SAMD8: variants seen among roughly 807,000 people sequenced by gnomAD.
SAMD8 encodes sphingomyelin synthase-related protein 1.
A neutral mutation model predicts 42.0 loss-of-function variants in SAMD8; 20 were observed. That is an observed-to-expected ratio of 0.48 (90% CI 0.34 to 0.69). SAMD8 has a LOEUF of 0.69. Ranked by LOEUF, SAMD8 falls within the 30% of genes least tolerant of loss-of-function variation. The pLI, the probability that SAMD8 is intolerant of heterozygous loss-of-function variation, is 0.01. For synonymous variants in SAMD8, 162 were observed against 173.0 expected, an observed-to-expected ratio of 0.94 and a Z score of 0.50; for missense variants, 328 against 511.6, an observed-to-expected ratio of 0.64 and a Z score of 3.46.
At chr10:75,101,582 C>G (rs1204254407) in intron 1 of SAMD8, among the ~76,000 whole-genome samples, 1 of 152,156 alleles carries the variant, frequency 6.6e-6, no homozygotes, top group East Asian at 1.9e-4. Flanking sequence ...CTTTATGGAG[C>G]AGGTAATATT....
chr10:75,147,716 A>G (rs74380454), intron 1 of SAMD8, among the ~76,000 whole-genome samples: 1 of 152,224 alleles, frequency 6.6e-6, no homozygotes, highest in Non-Finnish European at 1.5e-5. Context: ...ATATCCAAGG[A>G]TGAAGTAATT....
intron 1 of SAMD8, among the ~76,000 whole-genome samples, chr10:75,101,476 T>C (rs1355548785): frequency 2.6e-5 from 4 of 152,216 alleles, no homozygotes; most frequent in Non-Finnish European, 5.9e-5. Context: ...TCTTTCTCTG[T>C]CCAGCAATAA....
chr10:75,144,953 G>C lies in SAMD8; in HGVS notation c.-15-5561G>C, dbSNP rs903017384. Among the ~76,000 whole-genome samples, 5 of 152,268 alleles carry C rather than the reference G, an allele frequency of 3.3e-5. No homozygotes were observed. The East Asian group carries it at 5.8e-4, about 18-fold the overall frequency. On this transcript the variant is annotated intron_variant, in intron 1 of 5. Coordinates refer to ENST00000542569, the MANE Select transcript of SAMD8 (RefSeq NM_001174156.2). ...GGATTGCAACCAGCGCCCTTGAATT[G>C]TTTCTATTGTTACTTAGTTACATTT... is the stretch of plus-strand genomic sequence containing the variant.
intron 1 of SAMD8, among the ~76,000 whole-genome samples, chr10:75,120,535 C>T (rs1294715726): frequency 1.3e-5 from 2 of 152,214 alleles, no homozygotes; most frequent in East Asian, 3.9e-4. Flanking sequence ...TCCCAAAGTG[C>T]TGGGATTACA....
chr10:75,160,171 A>G (rs1840523129), intron 2 of SAMD8, among the ~76,000 whole-genome samples: 1 of 152,186 alleles, frequency 6.6e-6, no homozygotes. Context: ...CAGTGTTCAT[A>G]GTGATGACTC....
chr10:75,122,195 G>A (rs1174581621), intron 1 of SAMD8, among the ~76,000 whole-genome samples: 1 of 151,736 alleles, frequency 6.6e-6, no homozygotes, highest in Non-Finnish European at 1.5e-5. Flanking sequence ...ACAGTGAAAG[G>A]GCCCATTCAA....
chr10:75,176,794 G>A lies in SAMD8; in HGVS notation c.*102G>A. 1.2e-6 allele frequency: 1 copy of A among 855,828 alleles called. No individual in the cohort carries two copies. The highest frequency in any genetic ancestry group is 1.9e-5 in the South Asian group (1 of 51,304). The allele number at this position is 855,828 out of a possible 1,614,324, so 53.0% of individuals were successfully genotyped here. ...GGTTGTTCTTAGATGCCTGGCTTAT[G>A]TGTTGACAAAGTAAAGTTTTCTGTT... is the stretch of plus-strand genomic sequence containing the variant. On this transcript the variant is annotated 3_prime_UTR_variant, in exon 6 of 6. Transcript: ENST00000542569. The surrounding 1 kb of genome is among the most constrained non-coding windows in gnomAD (Gnocchi z 4.3).
At chr10:75,115,698 T>G (rs1848862989) in intron 1 of SAMD8, among the ~76,000 whole-genome samples, 1 of 152,100 alleles carries the variant, frequency 6.6e-6, no homozygotes, top group Non-Finnish European at 1.5e-5. Context: ...CTCAGCACTT[T>G]GGGAGGCCGA....
chr10:75,181,919 A>G lies in SAMD8; in HGVS notation c.*5227A>G, dbSNP rs558607796. 61 of 152,328 alleles carry G rather than the reference A, an allele frequency of 4.0e-4. No homozygotes were observed. Among genetic ancestry groups the G allele is most frequent in the African/African-American group, 1.4e-3 (59 of 41,568 alleles). The allele number at this position is 152,328 out of a possible 1,614,324, so 9.4% of individuals were successfully genotyped here. A position where few individuals can be genotyped will look rare whatever the true frequency, so the allele number is the denominator to read the frequency against. Reference sequence around the variant, plus strand: ...ATGTTTTGTTTTGTGAATTCTACCTAAATGTCTCTCTATCCACAGAGAAAC... The same window carrying G: ...ATGTTTTGTTTTGTGAATTCTACCTGAATGTCTCTCTATCCACAGAGAAAC... On this transcript the variant is annotated 3_prime_UTR_variant, in exon 6 of 6. Coordinates refer to ENST00000542569, the MANE Select transcript of SAMD8 (RefSeq NM_001174156.2).
At chr10:75,156,906 AAAT>A (rs1840422839) in intron 2 of SAMD8, among the ~76,000 whole-genome samples, 1 of 152,202 alleles carries the variant, frequency 6.6e-6, no homozygotes, top group Non-Finnish European at 1.5e-5. Flanking sequence ...ACTGCATGTT[AAAT>A]AATGGTACTA....
At chr10:75,152,394 C>T (rs1321517345) in intron 2 of SAMD8, among the ~76,000 whole-genome samples, 10 of 148,966 alleles carry the variant, frequency 6.7e-5, no homozygotes, top group African/African-American at 2.5e-4. Context: ...TAGTGGCGGG[C>T]GCCTGTAGTC....
In SAMD8 at chr10:75,164,735, G is replaced by C; in HGVS notation, c.669G>C (p.Lys223Asn). ...YIWLLVLLLHKHRSILLRRLC... is the reference protein window; with the variant it reads ...YIWLLVLLLHNHRSILLRRLC... ...GGCTCCTGGTTCTTCTTCTTCACAA[G>C]CACAGGTACCTCATTACTCCATTAA... Residue 223 changes from lysine (K) to asparagine (N), a missense_variant, in exon 3 of 6, where the codon AAG becomes AAC. Lys to Asn is a moderately conservative substitution (Grantham distance 94, BLOSUM62 0). This residue lies in a region of SAMD8 where 178 missense variants were observed against 325.6 expected (regional missense o/e 0.55). Coordinates refer to ENST00000542569, the MANE Select transcript of SAMD8 (RefSeq NM_001174156.2). 6.2e-7 allele frequency: 1 copy of C among 1,608,254 alleles called. No individual in the cohort carries two copies. The highest frequency in any genetic ancestry group is 1.1e-5 in the South Asian group (1 of 90,944).
At chr10:75,111,636 G>C, upstream of SAMD8, 1 of 1,246,024 alleles carries the variant, frequency 8.0e-7, no homozygotes, top group South Asian at 3.5e-5. Flanking sequence ...GCTTCACTCC[G>C]GCGAGGCGGG....
intron 1 of SAMD8, among the ~76,000 whole-genome samples, chr10:75,141,508 T>G (rs1201992404): frequency 6.6e-6 from 1 of 151,956 alleles, no homozygotes; most frequent in African/African-American, 2.4e-5. Context: ...TAGAGTTTTA[T>G]TTCTTCCTTT....
At chr10:75,111,589 G>A (rs1426307898), upstream of SAMD8, 11 of 1,251,664 alleles carry the variant, frequency 8.8e-6, no homozygotes, top group Non-Finnish European at 1.0e-5. Flanking sequence ...CTCCACTCCG[G>A]CTCCCCGCCC....
chr10:75,174,056 A>G (rs1840932025), intron 4 of SAMD8, among the ~76,000 whole-genome samples: 1 of 152,184 alleles, frequency 6.6e-6, no homozygotes, highest in Non-Finnish European at 1.5e-5. Context: ...TTATTATGTT[A>G]TTATTAAATT....
At chr10:75,171,898 C>T (rs1438436231) in intron 4 of SAMD8, among the ~76,000 whole-genome samples, 2 of 151,912 alleles carry the variant, frequency 1.3e-5, no homozygotes, top group African/African-American at 4.8e-5. Context: ...TGGTGGCGGG[C>T]ACCTGTAATC....
chr10:75,124,073 A>G (rs1264185111), intron 1 of SAMD8, among the ~76,000 whole-genome samples: 1 of 151,880 alleles, frequency 6.6e-6, no homozygotes, highest in Non-Finnish European at 1.5e-5. Context: ...CACCTTTGAC[A>G]TTTCCAGGTT....
chr10:75,106,485 CT>C (rs1210514381), intron 1 of SAMD8, among the ~76,000 whole-genome samples: 1 of 152,186 alleles, frequency 6.6e-6, no homozygotes, highest in Non-Finnish European at 1.5e-5. Context: ...CCTCCACAGG[CT>C]TTCTTGACCG....
Sources: gnomAD v4.1 joint callset for allele counts (sites outside exome capture counted in the v4.1 genomes callset) on GRCh38, gnomAD v4.1.1 for gene constraint, gnomAD v4.1.1 regional missense constraint, Gnocchi (gnomAD v3.1) non-coding constraint, MANE v1.5 for transcripts, NCBI Gene and HGNC (gene_info 2026-07-23, HGNC 2026-07-21) for gene names.